Variants in PPP2R2C observed in about 807,000 individuals in gnomAD.
PPP2R2C encodes protein phosphatase 2, regulatory subunit B, gamma.
A neutral mutation model predicts 45.3 loss-of-function variants in PPP2R2C; 10 were observed. The ratio of observed to expected loss-of-function variants is 0.22; its 90% CI spans 0.14 to 0.37. PPP2R2C has a LOEUF of 0.37. Among genes scored for constraint, PPP2R2C ranks in the 10% least tolerant of loss-of-function variants. PPP2R2C has a pLI of 1.00. For missense variants in PPP2R2C, 308 were observed against 619.7 expected, an observed-to-expected ratio of 0.50 and a Z score of 5.34; for synonymous variants, 257 against 245.4, an observed-to-expected ratio of 1.05 and a Z score of -0.44.
At chr4:6,469,397 T>C (rs960240950) in intron 1 of PPP2R2C, among the ~76,000 whole-genome samples, 5 of 152,286 alleles carry the variant, frequency 3.3e-5, no homozygotes, top group African/African-American at 9.6e-5. Flanking sequence ...TGGGGGAGTG[T>C]AGACTCAACC....
intron 2 of PPP2R2C, among the ~76,000 whole-genome samples, chr4:6,514,784 T>C (rs991241466): frequency 1.3e-5 from 2 of 152,204 alleles, no homozygotes; most frequent in Non-Finnish European, 2.9e-5. Flanking sequence ...TTCTGGAGTC[T>C]AGAAATCTGA....
intron 1 of PPP2R2C, among the ~76,000 whole-genome samples, chr4:6,394,666 C>T (rs73798225): frequency 0.035 from 5,385 of 152,328 alleles, 328 homozygotes; most frequent in African/African-American, 0.12. Context: ...AGGCCTGACA[C>T]TGATGCGGAC....
At chr4:6,370,439 C>A (rs928570068) in intron 5 of PPP2R2C, among the ~76,000 whole-genome samples, 4 of 152,214 alleles carry the variant, frequency 2.6e-5, no homozygotes, top group African/African-American at 9.6e-5. Context: ...GCCCCTCCCC[C>A]ACATCCAGGG....
intron 2 of PPP2R2C, among the ~76,000 whole-genome samples, chr4:6,510,803 A>G (rs1445116080): frequency 1.3e-5 from 2 of 151,932 alleles, no homozygotes; most frequent in Admixed American, 1.3e-4. Context: ...CAGTGAAACA[A>G]TGTCCCCACT....
chr4:6,348,494 G>A (rs1250873102), intron 5 of PPP2R2C, among the ~76,000 whole-genome samples: 1 of 152,078 alleles, frequency 6.6e-6, no homozygotes, highest in Non-Finnish European at 1.5e-5. Flanking sequence ...GAGTGTGTGG[G>A]CATCTGGGAG....
rs553218482 is a variant in PPP2R2C, at chr4:6,557,079, C to T, written c.-59+6481G>A. 3.5e-3 allele frequency among the ~76,000 whole-genome samples: 534 copies of T among 152,218 alleles called. 4 individuals carry two copies. Among genetic ancestry groups the T allele is most frequent in the African/African-American group, 0.012 (511 of 41,544 alleles). On this transcript the variant is annotated intron_variant, in intron 1 of 9. Coordinates refer to the PPP2R2C transcript ENST00000506140. ...GGGGTACAAGCCTCCTTAGAAGATA[C>T]CGAGGAGGATTCAAGGTACCAGCCT...
intron 2 of PPP2R2C, among the ~76,000 whole-genome samples, chr4:6,534,000 A>C (rs1297249570): frequency 6.7e-6 from 1 of 148,796 alleles, no homozygotes; most frequent in Non-Finnish European, 1.5e-5. Context: ...ACACACACAC[A>C]CCCCAATATA....
At chr4:6,381,190 C>T (rs1715764418) in intron 1 of PPP2R2C, 96 bp from the exon 2 acceptor site, 13 of 1,546,794 alleles carry the variant, frequency 8.4e-6, no homozygotes, top group Middle Eastern at 1.7e-4. Context: ...CTCCCCGCTC[C>T]CCGAGGCCCC....
chr4:6,534,800 G>A (rs1724545956), intron 2 of PPP2R2C, among the ~76,000 whole-genome samples: 1 of 152,202 alleles, frequency 6.6e-6, no homozygotes, highest in Non-Finnish European at 1.5e-5. Context: ...CCCCAGTCGG[G>A]GTCTAGTTAA....
intron 2 of PPP2R2C, among the ~76,000 whole-genome samples, chr4:6,518,824 G>C (rs1304716706): frequency 6.7e-6 from 1 of 150,168 alleles, no homozygotes; most frequent in Admixed American, 6.7e-5. Context: ...CCAAGAGGCT[G>C]AGGCAGGAGA....
chr4:6,556,479 C>T (rs898772203), intron 1 of PPP2R2C, among the ~76,000 whole-genome samples: 1 of 152,190 alleles, frequency 6.6e-6, no homozygotes, highest in African/African-American at 2.4e-5. Flanking sequence ...CTTCTCAGCT[C>T]CATAACTGCC....
At chr4:6,539,715 G>T (rs924473809) in intron 1 of PPP2R2C, among the ~76,000 whole-genome samples, 12 of 152,206 alleles carry the variant, frequency 7.9e-5, no homozygotes, top group African/African-American at 2.9e-4. Context: ...TCAGATCTGG[G>T]GTTTGCTGAG....
At position 6,372,617 on chromosome 4, in the gene PPP2R2C, G is replaced by A. The variant is rs139536190; in HGVS notation, c.531C>T (p.Asn177=). Residue 177 remains asparagine, a synonymous_variant, in exon 5 of 9, where the codon AAC becomes AAT. Coordinates refer to ENST00000382599, the MANE Select transcript of PPP2R2C (RefSeq NM_020416.4). ...CGCAGTCACTGTTGACGGAGATGGAGTTGATGTGGTAGGTGTGGCCATTGG... is the reference window on the plus strand; with the variant it reads ...CGCAGTCACTGTTGACGGAGATGGAATTGATGTGGTAGGTGTGGCCATTGG... The part of the protein sequence containing the change: ...IFANGHTYHI[N]SISVNSDCET... 88 of 1,614,236 alleles carry A rather than the reference G, an allele frequency of 5.5e-5. No homozygotes were observed. The African/African-American group carries it at 1.1e-3, about 19-fold the overall frequency.
At chr4:6,463,588 T>C (rs1372166902) in intron 1 of PPP2R2C, among the ~76,000 whole-genome samples, 2 of 152,222 alleles carry the variant, frequency 1.3e-5, no homozygotes, top group African/African-American at 2.4e-5. Flanking sequence ...CCCAGGTGTG[T>C]CCTGCTCCCG....
At chr4:6,492,978 C>T (rs933180072) in intron 2 of PPP2R2C, among the ~76,000 whole-genome samples, 14 of 152,136 alleles carry the variant, frequency 9.2e-5, no homozygotes, top group African/African-American at 2.9e-4. Context: ...CCCAGTCTCC[C>T]TCCTCACTCC....
intron 1 of PPP2R2C, among the ~76,000 whole-genome samples, chr4:6,462,620 C>G (rs1158596287): frequency 6.6e-6 from 1 of 152,184 alleles, no homozygotes; most frequent in Non-Finnish European, 1.5e-5. Flanking sequence ...TGGGCCAAAC[C>G]ACCCAACCAT....
At chr4:6,350,424 G>A (rs1442155783) in intron 5 of PPP2R2C, 1 of 985,296 alleles carries the variant, frequency 1.0e-6, no homozygotes, top group Non-Finnish European at 1.2e-6. Context: ...AGAGAGGCAG[G>A]GCAGAGAGGG....
At chr4:6,512,629 A>ATGGTGATGG (rs1367614841) in intron 2 of PPP2R2C, among the ~76,000 whole-genome samples, 4 of 42,494 alleles carry the variant, frequency 9.4e-5, no homozygotes, top group Non-Finnish European at 1.5e-4. Context: ...AGTGGTGGTG[A>ATGGTGATGG]TGGTGATGGT....
At chr4:6,434,146 T>A (rs1484418944) in intron 1 of PPP2R2C, among the ~76,000 whole-genome samples, 5 of 152,150 alleles carry the variant, frequency 3.3e-5, no homozygotes, top group Non-Finnish European at 5.9e-5. Context: ...CTTGCTCATT[T>A]CACCTAAAGA....
Sources: gnomAD v4.1 joint callset for allele counts (sites outside exome capture counted in the v4.1 genomes callset) on GRCh38, gnomAD v4.1.1 for gene constraint, MANE v1.5 for transcripts, NCBI Gene and HGNC (gene_info 2026-07-23, HGNC 2026-07-21) for gene names.